HPSE2: variants seen among roughly 807,000 people sequenced by gnomAD.
HPSE2 encodes the protein heparanase 2 (inactive).
Under a neutral mutation model 60.5 loss-of-function variants are expected in HPSE2, and 38 were observed. That is an observed-to-expected ratio of 0.63 (90% CI 0.48 to 0.82). The LOEUF is 0.82. Among genes scored for constraint, HPSE2 ranks in the 40% least tolerant of loss-of-function variants. HPSE2 has a pLI of 0.00. For synonymous variants in HPSE2, 295 were observed against 293.2 expected (o/e 1.01, Z -0.06); for missense variants, 713 against 740.4 (o/e 0.96, Z 0.43).
intron 11 of HPSE2, chr10:98,461,828 T>C: frequency 6.3e-7 from 1 of 1,589,414 alleles, no homozygotes; most frequent in Non-Finnish European, 8.6e-7. Flanking sequence ...TTCTGGGGAG[T>C]GCAAAACAAC....
At chr10:98,605,528 G>A (rs910862545) in intron 9 of HPSE2, among the ~76,000 whole-genome samples, 17 of 152,160 alleles carry the variant, frequency 1.1e-4, no homozygotes, top group African/African-American at 3.4e-4. Flanking sequence ...TGCCATTCTC[G>A]TTTCAAAGTC....
At chr10:98,788,939 C>G (rs1025186471) in intron 3 of HPSE2, among the ~76,000 whole-genome samples, 7 of 152,204 alleles carry the variant, frequency 4.6e-5, no homozygotes, top group Non-Finnish European at 7.3e-5. Context: ...TAGACCGGAG[C>G]TGTTCCTATT....
chr10:98,894,212 A>T (rs957193907), intron 3 of HPSE2, among the ~76,000 whole-genome samples: 7 of 152,200 alleles, frequency 4.6e-5, no homozygotes, highest in African/African-American at 1.4e-4. Flanking sequence ...AGGACTGAAA[A>T]AATCATCTCC....
At chr10:98,818,689 T>A (rs1176478113) in intron 3 of HPSE2, among the ~76,000 whole-genome samples, 1 of 152,072 alleles carries the variant, frequency 6.6e-6, no homozygotes, top group Non-Finnish European at 1.5e-5. Context: ...TAAAACAAGA[T>A]CCAGGCCTGC....
intron 6 of HPSE2, among the ~76,000 whole-genome samples, chr10:98,679,242 C>T (rs1459963744): frequency 2.0e-5 from 3 of 152,202 alleles, no homozygotes; most frequent in Non-Finnish European, 4.4e-5. Flanking sequence ...CCTCACTCTA[C>T]ATCAGCAGTT....
intron 3 of HPSE2, among the ~76,000 whole-genome samples, chr10:99,102,818 C>G (rs1233119024): frequency 1.3e-5 from 2 of 152,166 alleles, no homozygotes; most frequent in African/African-American, 4.8e-5. Context: ...GGATACAAGG[C>G]TGGTTCAACA....
chr10:99,275,031 C>T, the HPSE2 span, among the ~76,000 whole-genome samples: 2 of 152,184 alleles, frequency 1.3e-5, no homozygotes. Flanking sequence ...TTTAATCTAG[C>T]CCTTCATTTT....
chr10:98,641,050 C>T (rs1946624885), intron 7 of HPSE2, among the ~76,000 whole-genome samples: 1 of 152,150 alleles, frequency 6.6e-6, no homozygotes, highest in Admixed American at 6.5e-5. Context: ...TATAATATAG[C>T]TTTCCTCTCA....
At chr10:98,756,398 A>G (rs1949879422) in intron 3 of HPSE2, among the ~76,000 whole-genome samples, 1 of 152,124 alleles carries the variant, frequency 6.6e-6, no homozygotes, top group Non-Finnish European at 1.5e-5. Flanking sequence ...TGTTTTTTGA[A>G]AGAATAAGAT....
intron 3 of HPSE2, among the ~76,000 whole-genome samples, chr10:98,892,559 C>A (rs2134940132): frequency 6.6e-6 from 1 of 152,262 alleles, no homozygotes; most frequent in African/African-American, 2.4e-5. Flanking sequence ...GTTTCCTAAG[C>A]AGAACTCTCT....
chr10:98,601,663 G>A (rs1945430279), intron 9 of HPSE2, among the ~76,000 whole-genome samples: 1 of 152,226 alleles, frequency 6.6e-6, no homozygotes, highest in South Asian at 2.1e-4. Flanking sequence ...CCCCTGCGGG[G>A]AGGAATACTG....
intron 3 of HPSE2, among the ~76,000 whole-genome samples, chr10:98,788,613 A>G (rs1047876739): frequency 7.9e-5 from 12 of 151,824 alleles, no homozygotes; most frequent in African/African-American, 2.2e-4. Flanking sequence ...TGGGCGTAGG[A>G]CCCTCTGAGC....
At chr10:98,927,192 G>A (rs921959817) in intron 3 of HPSE2, among the ~76,000 whole-genome samples, 1 of 152,126 alleles carries the variant, frequency 6.6e-6, no homozygotes, top group Admixed American at 6.5e-5. Flanking sequence ...TCTGTCTAAT[G>A]TTGACAGTGG....
At chr10:98,985,599 CCAGCTAACATCATAATGA>C (rs1366166828) in intron 3 of HPSE2, among the ~76,000 whole-genome samples, 1 of 152,134 alleles carries the variant, frequency 6.6e-6, no homozygotes, top group Non-Finnish European at 1.5e-5. Context: ...AGCAAAATAA[CCAGCTAACATCATAATGA>C]CAGGATCATA....
chr10:99,170,009 G>C (rs1417378789), intron 2 of HPSE2, among the ~76,000 whole-genome samples: 4 of 152,122 alleles, frequency 2.6e-5, no homozygotes, highest in Non-Finnish European at 1.5e-5. Flanking sequence ...AATAGGCATG[G>C]CTGTGTGCCA....
chr10:98,559,826 C>T (rs540480942), intron 9 of HPSE2, among the ~76,000 whole-genome samples: 1 of 152,086 alleles, frequency 6.6e-6, no homozygotes, highest in African/African-American at 2.4e-5. Flanking sequence ...TCTGGAGAGG[C>T]CTTGTGGAAG....
At chr10:98,997,329 G>A (rs1206432905) in intron 3 of HPSE2, among the ~76,000 whole-genome samples, 2 of 151,734 alleles carry the variant, frequency 1.3e-5, no homozygotes, top group Non-Finnish European at 2.9e-5. Context: ...TATTGGCCAG[G>A]CTGGTCTTGA....
chr10:98,719,293 A>G (rs1948862996), intron 5 of HPSE2, among the ~76,000 whole-genome samples: 1 of 152,054 alleles, frequency 6.6e-6, no homozygotes, highest in Non-Finnish European at 1.5e-5. Flanking sequence ...TCCTGACCCT[A>G]CTCTGTGGTT....
At chr10:98,891,960 G>A (rs1016077898) in intron 3 of HPSE2, among the ~76,000 whole-genome samples, 1 of 151,502 alleles carries the variant, frequency 6.6e-6, no homozygotes, top group African/African-American at 2.4e-5. Flanking sequence ...TAGTAGTGAT[G>A]GGGTTTCATC....
Sources: allele counts gnomAD v4.1 joint callset (sites outside exome capture counted in the v4.1 genomes callset), GRCh38; gene constraint gnomAD v4.1.1; transcripts MANE v1.5; gene names NCBI Gene and HGNC (gene_info 2026-07-23, HGNC 2026-07-21).